The following GPM6A variants were observed in gnomAD, a reference collection of about 807,000 sequenced individuals.
GPM6A encodes neuronal membrane glycoprotein M6-a.
GPM6A carries 7 observed loss-of-function variants against 32.1 expected under a neutral mutation model. That is an observed-to-expected ratio of 0.22 (90% CI 0.12 to 0.41). The LOEUF is 0.41. Ranked by LOEUF, GPM6A falls within the 10% of genes least tolerant of loss-of-function variation. The pLI is 1.00. For missense variants in GPM6A, 235 were observed against 347.2 expected (o/e 0.68, Z 2.57); for synonymous variants, 130 against 123.4 (o/e 1.05, Z -0.35).
intron 1 of GPM6A, among the ~76,000 whole-genome samples, chr4:175,998,907 T>TGTC: frequency 7.4e-6 from 1 of 135,400 alleles, no homozygotes; most frequent in East Asian, 2.2e-4. Context: ...CCCTACCTCC[T>TGTC]ATCATTGCTT....
intron 1 of GPM6A, among the ~76,000 whole-genome samples, chr4:175,726,932 A>C (rs1277375183): frequency 6.6e-6 from 1 of 152,082 alleles, no homozygotes; most frequent in Non-Finnish European, 1.5e-5. Flanking sequence ...GGAGATGGAG[A>C]TTACGGTAAG....
At chr4:175,976,051 T>C (rs914856297) in intron 1 of GPM6A, among the ~76,000 whole-genome samples, 2 of 152,218 alleles carry the variant, frequency 1.3e-5, no homozygotes, top group African/African-American at 2.4e-5. Context: ...AATTTGGCCT[T>C]GTGTTATCCA....
At chr4:175,824,685 C>G (rs1021070876) in intron 1 of GPM6A, among the ~76,000 whole-genome samples, 1 of 152,148 alleles carries the variant, frequency 6.6e-6, no homozygotes, top group Non-Finnish European at 1.5e-5. Flanking sequence ...TTTCCAGGGA[C>G]TAGGTTCAGC....
chr4:175,931,709 C>CACATATATATATATATATATAT (rs1324269132), intron 1 of GPM6A, among the ~76,000 whole-genome samples: 12 of 129,330 alleles, frequency 9.3e-5, no homozygotes, highest in African/African-American at 3.1e-4. Flanking sequence ...CACACACACA[C>CACATATATATATATATATATAT]ATATATATAT....
At chr4:175,869,674 T>C (rs1419527164) in intron 1 of GPM6A, among the ~76,000 whole-genome samples, 1 of 152,048 alleles carries the variant, frequency 6.6e-6, no homozygotes, top group African/African-American at 2.4e-5. Flanking sequence ...GGAGAATCGC[T>C]TGAACCCAGG....
chr4:175,812,427 G>A, upstream of GPM6A: 12 of 1,293,820 alleles, frequency 9.3e-6, no homozygotes, highest in Non-Finnish European at 1.1e-5. Flanking sequence ...TTGGAGACAG[G>A]CTGTCAAGTG....
At chr4:175,773,743 A>G (rs1008555092) in intron 1 of GPM6A, among the ~76,000 whole-genome samples, 3 of 152,206 alleles carry the variant, frequency 2.0e-5, no homozygotes, top group Non-Finnish European at 2.9e-5. Flanking sequence ...AGTCCTGCAC[A>G]GTTTCCATAG....
intron 1 of GPM6A, among the ~76,000 whole-genome samples, chr4:175,834,135 T>TA (rs1193090957): frequency 7.5e-6 from 1 of 134,044 alleles, no homozygotes; most frequent in Non-Finnish European, 1.7e-5. Context: ...AGAGATGTGT[T>TA]ACGATTTACT....
At chr4:175,820,593 C>T (rs1358889185) in intron 1 of GPM6A, among the ~76,000 whole-genome samples, 3 of 150,556 alleles carry the variant, frequency 2.0e-5, no homozygotes, top group African/African-American at 7.3e-5. Flanking sequence ...CTCCCCTTCC[C>T]GGGTTCAAGT....
intron 1 of GPM6A, among the ~76,000 whole-genome samples, chr4:175,708,270 A>G (rs1202853666): frequency 6.6e-6 from 1 of 152,208 alleles, no homozygotes; most frequent in Non-Finnish European, 1.5e-5. Flanking sequence ...TTTCTGATAA[A>G]GAGACCAGGG....
intron 2 of GPM6A, among the ~76,000 whole-genome samples, chr4:175,678,783 T>C (rs1357067238): frequency 6.6e-6 from 1 of 152,230 alleles, no homozygotes. Flanking sequence ...GGCTATTCTA[T>C]ACAATTCTTT....
At chr4:175,997,960 C>A (rs1741360413) in intron 1 of GPM6A, among the ~76,000 whole-genome samples, 1 of 152,162 alleles carries the variant, frequency 6.6e-6, no homozygotes, top group Admixed American at 6.5e-5. Flanking sequence ...CTTTCCCTCC[C>A]TGTCCCTCAA....
chr4:175,814,546 T>C (rs964189630), upstream of GPM6A, among the ~76,000 whole-genome samples: 1 of 152,200 alleles, frequency 6.6e-6, no homozygotes, highest in Non-Finnish European at 1.5e-5. Flanking sequence ...TTTAAAAATA[T>C]TCATGATTTC....
chr4:175,885,985 T>TA (rs1361046848), intron 1 of GPM6A, among the ~76,000 whole-genome samples: 1 of 151,240 alleles, frequency 6.6e-6, no homozygotes, highest in Admixed American at 6.6e-5. Context: ...CATGAAAAGA[T>TA]AAAACGTAAA....
At chr4:175,820,795 G>A (rs772890189) in intron 1 of GPM6A, among the ~76,000 whole-genome samples, 3 of 151,906 alleles carry the variant, frequency 2.0e-5, no homozygotes, top group Non-Finnish European at 4.4e-5. Flanking sequence ...CACCACACCC[G>A]GCCTGTTTTG....
At chr4:175,834,331 G>A (rs1035141312) in intron 1 of GPM6A, among the ~76,000 whole-genome samples, 5 of 152,134 alleles carry the variant, frequency 3.3e-5, no homozygotes, top group African/African-American at 1.2e-4. Flanking sequence ...TTGTTCGGCT[G>A]CTTTTTTTAG....
chr4:175,754,031 A>G (rs933360315), intron 1 of GPM6A, among the ~76,000 whole-genome samples: 7 of 152,142 alleles, frequency 4.6e-5, no homozygotes, highest in Non-Finnish European at 1.0e-4. Flanking sequence ...CTATGCTCCA[A>G]TCTATCAATT....
intron 1 of GPM6A, among the ~76,000 whole-genome samples, chr4:175,986,025 C>T (rs566381648): frequency 3.9e-5 from 6 of 152,006 alleles, no homozygotes; most frequent in Middle Eastern, 3.4e-3. Context: ...AGGCTGGTCT[C>T]GAACTCTTGA....
intron 1 of GPM6A, chr4:175,971,733 G>A (rs1407728526): frequency 1.3e-5 from 2 of 152,138 alleles, no homozygotes; most frequent in Non-Finnish European, 1.5e-5. Flanking sequence ...TATAGGTTTT[G>A]AAATAAAGTG....
Sources: allele counts gnomAD v4.1 joint callset (sites outside exome capture counted in the v4.1 genomes callset), GRCh38; gene constraint gnomAD v4.1.1; transcripts MANE v1.5; gene names NCBI Gene and HGNC (gene_info 2026-07-23, HGNC 2026-07-21).